The following PKHD1 variants were observed in gnomAD, a reference collection of about 807,000 sequenced individuals.
PKHD1 encodes the protein PKHD1 ciliary IPT domain containing fibrocystin/polyductin, also known as fibrocystin.
In PKHD1, 291 loss-of-function variants were observed where a neutral mutation model predicts 412.0. The ratio of observed to expected loss-of-function variants is 0.71; its 90% confidence interval spans 0.64 to 0.78. The LOEUF is 0.78. Ranked by LOEUF, PKHD1 falls within the 30% of genes least tolerant of loss-of-function variation. PKHD1 has a pLI of 0.00. For missense variants in PKHD1, 4,825 were observed against 4,950.7 expected, an observed-to-expected ratio of 0.97 and a Z score of 0.76; for synonymous variants, 1,777 against 1,821.5, an observed-to-expected ratio of 0.98 and a Z score of 0.62.
At chr6:51,757,613 T>C (rs1321912319) in intron 55 of PKHD1, among the ~76,000 whole-genome samples, 1 of 152,010 alleles carries the variant, frequency 6.6e-6, no homozygotes, top group Non-Finnish European at 1.5e-5. Context: ...CAATTTGACA[T>C]AAAAAATGCT....
In PKHD1 at chr6:52,039,913, T is replaced by G. The variant is rs1456405599; in HGVS notation, c.3097+2946A>C. Among the ~76,000 whole-genome samples, 3 of 152,216 alleles carry G rather than the reference T, an allele frequency of 2.0e-5. No homozygotes were observed. In the East Asian group the frequency reaches 5.8e-4, roughly 29 times the overall value. ...ATGGTATATCCATACCATGTAATATTGTTTAGTCATAAAATTGAATAAAGT... is the reference window on the plus strand; with the variant it reads ...ATGGTATATCCATACCATGTAATATGGTTTAGTCATAAAATTGAATAAAGT... On this transcript the variant is annotated intron_variant, in intron 27 of 66. Coordinates refer to ENST00000371117, the MANE Select transcript of PKHD1 (RefSeq NM_138694.4).
intron 35 of PKHD1, among the ~76,000 whole-genome samples, chr6:51,967,216 T>G (rs1209649644): frequency 3.3e-5 from 5 of 152,108 alleles, no homozygotes; most frequent in Non-Finnish European, 7.4e-5. Flanking sequence ...ACCCACTATT[T>G]TGATATTGGC....
In PKHD1 at chr6:52,025,444, A is replaced by G; in HGVS notation, c.4366T>C (p.Ser1456Pro). The G allele has an allele frequency of 6.2e-7, 1 of 1,606,758 alleles. No homozygotes were observed. The highest frequency in any genetic ancestry group is 8.5e-7 in the Non-Finnish European group (1 of 1,175,556). Reference protein sequence around the residue: ...SLEGDPLPGASFSLNVTVLVN... With the variant: ...SLEGDPLPGAPFSLNVTVLVN... ...AGGACTGTGACGTTCAGGGAGAAGG[A>G]AGCTCCAGGCAAGGGGTCACCCTCC... is the stretch of plus-strand genomic sequence containing the variant. The change falls in exon 32 of 67, where the codon TCC becomes CCC. Residue 1456 changes from serine to proline, a missense_variant. Physicochemically the swap from Ser to Pro is moderately conservative, Grantham distance 74. Coordinates refer to ENST00000371117, the MANE Select transcript of PKHD1 (RefSeq NM_138694.4).
At chr6:52,027,780 C>G in intron 31 of PKHD1, 49 bp downstream of exon 31, 1 of 1,326,056 alleles carries the variant, frequency 7.5e-7, no homozygotes, top group Non-Finnish European at 1.1e-6. Flanking sequence ...GAATATCCAG[C>G]AAATAGAATT....
intron 52 of PKHD1, among the ~76,000 whole-genome samples, chr6:51,792,871 A>T (rs1162735434): frequency 6.6e-6 from 1 of 152,332 alleles, no homozygotes; most frequent in East Asian, 1.9e-4. Context: ...CTGTACATAC[A>T]TCTATCAGAG....
rs943809374 is a variant in PKHD1, at chr6:52,053,967, T to C, written c.1964+71A>G. On this transcript the variant is annotated intron_variant, in intron 20 of 66. Transcript: ENST00000371117. Reference sequence around the variant, plus strand: ...TAAGACCATTAGTGCCTGAGGTGGGTAACTGTCCCCAAAACAGTGAATCCT... The same window carrying C: ...TAAGACCATTAGTGCCTGAGGTGGGCAACTGTCCCCAAAACAGTGAATCCT... 5.0e-5 allele frequency: 76 copies of C among 1,515,900 alleles called. No individual in the cohort carries two copies. In the African/African-American group the frequency reaches 9.2e-4, roughly 18 times the overall value. 93.9% of individuals were successfully genotyped at this position (1,515,900 alleles called of 1,614,324 possible).
At chr6:51,812,775 A>G (rs556767327) in intron 52 of PKHD1, among the ~76,000 whole-genome samples, 3 of 152,302 alleles carry the variant, frequency 2.0e-5, no homozygotes, top group South Asian at 4.1e-4. Context: ...AGAGTCTAGT[A>G]CCTTTCAAAT....
intron 37 of PKHD1, among the ~76,000 whole-genome samples, chr6:51,921,490 G>A (rs918965348): frequency 6.6e-6 from 1 of 152,150 alleles, no homozygotes; most frequent in East Asian, 1.9e-4. Context: ...CTAGGTTGGG[G>A]AAATTCTCCT....
At chr6:51,808,584 AT>A (rs531674360) in intron 52 of PKHD1, among the ~76,000 whole-genome samples, 1 of 152,034 alleles carries the variant, frequency 6.6e-6, no homozygotes, top group South Asian at 2.1e-4. Context: ...CAGACATGTA[AT>A]TTTTTTCTGC....
chr6:51,715,292 CT>C (rs1781125060), intron 60 of PKHD1, among the ~76,000 whole-genome samples: 1 of 151,942 alleles, frequency 6.6e-6, no homozygotes, highest in Non-Finnish European at 1.5e-5. Flanking sequence ...GAGCCAGTAA[CT>C]GGGAAAGTCA....
At chr6:51,961,194 C>A (rs1419249323) in intron 35 of PKHD1, among the ~76,000 whole-genome samples, 1 of 151,970 alleles carries the variant, frequency 6.6e-6, no homozygotes, top group East Asian at 1.9e-4. Flanking sequence ...GACAACTACA[C>A]CTACACAGAG....
intron 52 of PKHD1, among the ~76,000 whole-genome samples, chr6:51,822,989 T>C (rs547048983): frequency 5.3e-5 from 8 of 152,290 alleles, no homozygotes; most frequent in Non-Finnish European, 8.8e-5. Context: ...CAAAGTATAC[T>C]TGAAATCCTG....
chr6:51,786,853 A>G (rs1792944447), intron 53 of PKHD1, among the ~76,000 whole-genome samples: 1 of 152,194 alleles, frequency 6.6e-6, no homozygotes, highest in African/African-American at 2.4e-5. Context: ...AAGAATGGAC[A>G]CACATGTGAA....
At chr6:51,709,691 T>C (rs549044221) in intron 60 of PKHD1, among the ~76,000 whole-genome samples, 1 of 152,284 alleles carries the variant, frequency 6.6e-6, no homozygotes, top group East Asian at 1.9e-4. Flanking sequence ...GACGTAAAGG[T>C]TTTCCTATGA....
At chr6:51,896,894 A>T (rs1489921382) in intron 43 of PKHD1, among the ~76,000 whole-genome samples, 3 of 152,226 alleles carry the variant, frequency 2.0e-5, no homozygotes, top group Non-Finnish European at 4.4e-5. Flanking sequence ...CATGCGATCA[A>T]CTGGAAGAAA....
chr6:51,697,179 CAAATAAATAAAT>C (rs61327011), intron 60 of PKHD1, among the ~76,000 whole-genome samples: 1 of 150,658 alleles, frequency 6.6e-6, no homozygotes, highest in African/African-American at 2.5e-5. Context: ...GACTCCGTCT[CAAATAAATAAAT>C]AAATAAATAA....
intron 33 of PKHD1, 40 bp downstream of exon 33, chr6:52,022,761 T>A (rs1032657961): frequency 6.3e-7 from 1 of 1,595,998 alleles, no homozygotes; most frequent in Admixed American, 1.7e-5. Flanking sequence ...CATTTCCATA[T>A]ATATGCTTTA....
chr6:52,010,382 T>C lies in PKHD1; in HGVS notation c.5678A>G (p.Glu1893Gly). The change falls in exon 35 of 67, where the codon GAG (glutamate) becomes GGG (glycine). Residue 1893 changes from glutamate to glycine, a missense_variant. Glu to Gly is a moderately conservative substitution (Grantham distance 98). Coordinates refer to ENST00000371117, the MANE Select transcript of PKHD1 (RefSeq NM_138694.4). ...AATTGGCTGATTGGGCGTCTCACAC[T>C]CCATCTCTGCCTCAGTTTCCATGGT... The part of the protein sequence containing the change: ...NITMETEAEM[E>G]CETPNQPITV... 6.2e-7 allele frequency: 1 copy of C among 1,612,054 alleles called. No homozygotes were observed. The highest frequency in any genetic ancestry group is 1.3e-5 in the African/African-American group (1 of 75,002).
intron 49 of PKHD1, among the ~76,000 whole-genome samples, chr6:51,850,928 C>T (rs965030486): frequency 2.9e-4 from 44 of 152,118 alleles, no homozygotes; most frequent in Non-Finnish European, 6.5e-4. Flanking sequence ...ACTTCCAATA[C>T]TATGTTGAAT....
Sources: gnomAD v4.1 joint callset for allele counts (sites outside exome capture counted in the v4.1 genomes callset) on GRCh38, gnomAD v4.1.1 for gene constraint, MANE v1.5 for transcripts, NCBI Gene and HGNC (gene_info 2026-07-23, HGNC 2026-07-21) for gene names.